The following LINGO2 variants were observed in gnomAD, a reference collection of about 807,000 sequenced individuals.
The protein encoded by LINGO2 is leucine rich repeat and Ig domain containing 2.
Under a neutral mutation model 30.6 loss-of-function variants are expected in LINGO2, and 14 were observed. The observed-to-expected ratio is 0.46, with a 90% CI of 0.30 to 0.72. LINGO2 has a LOEUF of 0.72. Ranked by LOEUF, LINGO2 falls within the 30% of genes least tolerant of loss-of-function variation. LINGO2 has a pLI of 0.07. For synonymous variants in LINGO2, 317 were observed against 288.5 expected (o/e 1.10, Z -1.00); for missense variants, 729 against 751.7 (o/e 0.97, Z 0.35).
At chr9:28,679,576 G>T in the LINGO2 span, among the ~76,000 whole-genome samples, 1 of 152,016 alleles carries the variant, frequency 6.6e-6, no homozygotes, top group Non-Finnish European at 1.5e-5. Flanking sequence ...CATATTTAAT[G>T]TATACAACTT....
intron 4 of LINGO2, among the ~76,000 whole-genome samples, chr9:28,098,988 G>A (rs1012432368): frequency 6.6e-6 from 1 of 152,134 alleles, no homozygotes; most frequent in Non-Finnish European, 1.5e-5. Context: ...ACTGAAGCTG[G>A]TGGGTAAGGG....
intron 2 of LINGO2, among the ~76,000 whole-genome samples, chr9:28,436,949 T>C (rs1823972943): frequency 1.3e-5 from 2 of 152,088 alleles, no homozygotes; most frequent in Admixed American, 6.5e-5. Context: ...CAGCTTTTAA[T>C]AAAGGAAAGG....
chr9:28,716,064 A>G, the LINGO2 span, among the ~76,000 whole-genome samples: 1 of 151,998 alleles, frequency 6.6e-6, no homozygotes, highest in South Asian at 2.1e-4. Flanking sequence ...TGTCCACATT[A>G]TGAGTCTGGG....
the LINGO2 span, among the ~76,000 whole-genome samples, chr9:28,988,256 T>C: frequency 6.6e-6 from 1 of 152,218 alleles, no homozygotes; most frequent in East Asian, 1.9e-4. Flanking sequence ...CTTTCCTGAT[T>C]ACTTCATCTT....
intron 3 of LINGO2, among the ~76,000 whole-genome samples, chr9:28,325,011 A>C (rs1825176391): frequency 6.6e-6 from 1 of 151,546 alleles, no homozygotes; most frequent in Non-Finnish European, 1.5e-5. Flanking sequence ...GTCTCTCTTA[A>C]CTTCTCTCTT....
the LINGO2 span, among the ~76,000 whole-genome samples, chr9:29,045,643 T>C: frequency 2.0e-5 from 3 of 151,818 alleles, no homozygotes; most frequent in Non-Finnish European, 4.4e-5. Flanking sequence ...TTTGGTTTCA[T>C]ATGAATTTTA....
At chr9:29,081,691 T>C in the LINGO2 span, among the ~76,000 whole-genome samples, 2 of 152,178 alleles carry the variant, frequency 1.3e-5, no homozygotes, top group Admixed American at 6.5e-5. Context: ...CCCCATCGTC[T>C]CAACTCAAAA....
chr9:28,805,098 C>T, the LINGO2 span, among the ~76,000 whole-genome samples: 5 of 152,236 alleles, frequency 3.3e-5, no homozygotes, highest in South Asian at 2.1e-4. Flanking sequence ...TGAGAGATTC[C>T]TTTAGCTCTC....
chr9:28,899,642 C>A, the LINGO2 span, among the ~76,000 whole-genome samples: 1 of 152,236 alleles, frequency 6.6e-6, no homozygotes, highest in Admixed American at 6.5e-5. Flanking sequence ...AAGTGCCAGA[C>A]TGGGCACAGA....
intron 1 of LINGO2, among the ~76,000 whole-genome samples, chr9:28,567,020 T>G (rs1292280793): frequency 6.6e-6 from 1 of 152,210 alleles, no homozygotes; most frequent in African/African-American, 2.4e-5. Context: ...TACTTCCTTA[T>G]TGATATTTAT....
chr9:28,156,650 G>A (rs767420262), intron 4 of LINGO2, among the ~76,000 whole-genome samples: 1 of 152,184 alleles, frequency 6.6e-6, no homozygotes, highest in Non-Finnish European at 1.5e-5. Flanking sequence ...TCTCATCCGA[G>A]ACAAGACAAA....
the LINGO2 span, among the ~76,000 whole-genome samples, chr9:29,196,484 A>G: frequency 6.6e-6 from 1 of 152,064 alleles, no homozygotes; most frequent in Non-Finnish European, 1.5e-5. Flanking sequence ...ATACATAAAA[A>G]TATTTAAAAT....
At chr9:28,355,458 A>G (rs578025420) in intron 3 of LINGO2, among the ~76,000 whole-genome samples, 1 of 151,194 alleles carries the variant, frequency 6.6e-6, no homozygotes, top group South Asian at 2.1e-4. Context: ...TTCGCCCCCT[A>G]AAGTGCTGAA....
At chr9:28,497,878 T>C (rs1160076874) in intron 1 of LINGO2, among the ~76,000 whole-genome samples, 1 of 152,220 alleles carries the variant, frequency 6.6e-6, no homozygotes, top group East Asian at 1.9e-4. Context: ...CTTCTAACAG[T>C]CAGCACCCTC....
chr9:28,933,455 A>C, the LINGO2 span, among the ~76,000 whole-genome samples: 1 of 152,294 alleles, frequency 6.6e-6, no homozygotes, highest in African/African-American at 2.4e-5. Flanking sequence ...TTTTGATGTT[A>C]ACAATTTTTT....
chr9:28,325,450 T>A (rs867414202), intron 3 of LINGO2, among the ~76,000 whole-genome samples: 59 of 152,244 alleles, frequency 3.9e-4, no homozygotes, highest in Middle Eastern at 6.8e-3. Flanking sequence ...ATGGTTTGGC[T>A]GTGTACCCAC....
chr9:28,774,073 C>T, the LINGO2 span, among the ~76,000 whole-genome samples: 40 of 151,294 alleles, frequency 2.6e-4, no homozygotes, highest in Non-Finnish European at 5.0e-4. Context: ...CACACACACA[C>T]ACACACACAC....
the LINGO2 span, among the ~76,000 whole-genome samples, chr9:28,675,905 G>GTATATATATATATA: frequency 0.056 from 6,977 of 125,480 alleles, 258 homozygotes; most frequent in East Asian, 0.1. Context: ...GTGTGTGTAT[G>GTATATATATATATA]TATATATATA....
At chr9:28,937,865 G>T in the LINGO2 span, among the ~76,000 whole-genome samples, 1 of 152,014 alleles carries the variant, frequency 6.6e-6, no homozygotes, top group South Asian at 2.1e-4. Context: ...GGGGTTTGTT[G>T]TACAGATTTT....
Sources: allele counts gnomAD v4.1 joint callset (sites outside exome capture counted in the v4.1 genomes callset), GRCh38; gene constraint gnomAD v4.1.1; transcripts MANE v1.5; gene names NCBI Gene and HGNC (gene_info 2026-07-23, HGNC 2026-07-21).